The following BRWD1 variants were observed in gnomAD, a reference collection of about 807,000 sequenced individuals.
BRWD1 encodes bromodomain and WD repeat domain containing 1, also known as bromodomain and WD repeat-containing protein 1.
A neutral mutation model predicts 251.2 loss-of-function variants in BRWD1; 82 were observed. The ratio of observed to expected loss-of-function variants is 0.33; its 90% confidence interval spans 0.27 to 0.39. The LOEUF (loss-of-function observed/expected upper bound fraction) is 0.39, where lower values mean the gene tolerates loss of function less well. BRWD1 is among the 10% of genes least tolerant of loss of function. BRWD1 has a pLI of 1.00. For synonymous variants in BRWD1, 918 were observed against 902.8 expected, an observed-to-expected ratio of 1.02 and a Z score of -0.30; for missense variants, 2,233 against 2,711.6, an observed-to-expected ratio of 0.82 and a Z score of 3.92.
At chr21:39,206,375 G>T in intron 36 of BRWD1, 101 bp from the exon 37 acceptor site, 3 of 870,022 alleles carry the variant, frequency 3.4e-6, no homozygotes, top group Non-Finnish European at 5.0e-6. Flanking sequence ...TTATATCACT[G>T]CTTATAGGTA....
At chr21:39,296,448 A>C (rs2035964799) in intron 5 of BRWD1, 85 bp from the exon 6 acceptor site, 2 of 1,367,604 alleles carry the variant, frequency 1.5e-6, no homozygotes, top group Non-Finnish European at 1.9e-6. Context: ...ATATTGTAAT[A>C]AACTGTTTAT....
chr21:39,286,031 T>TTTTTTTTTAG (rs2035625448), intron 8 of BRWD1, among the ~76,000 whole-genome samples: 1 of 147,184 alleles, frequency 6.8e-6, no homozygotes, highest in Non-Finnish European at 1.5e-5. Flanking sequence ...TTTTTTTTTT[T>TTTTTTTTTAG]GAGTCAAGAG....
chr21:39,244,126 C>T (rs1044832794), intron 21 of BRWD1, among the ~76,000 whole-genome samples: 7 of 151,776 alleles, frequency 4.6e-5, no homozygotes, highest in Non-Finnish European at 7.4e-5. Context: ...TGCAGTGGCG[C>T]GATCTCGGCT....
intron 3 of BRWD1, 25 bp from the exon 4 acceptor site, chr21:39,312,925 A>T: frequency 9.1e-7 from 1 of 1,094,220 alleles, no homozygotes; most frequent in Non-Finnish European, 1.2e-6. Flanking sequence ...AACGCACACG[A>T]GTGACCACCC....
intron 29 of BRWD1, among the ~76,000 whole-genome samples, chr21:39,222,874 C>A (rs923366645): frequency 3.3e-5 from 5 of 152,122 alleles, no homozygotes; most frequent in African/African-American, 1.2e-4. Context: ...GACACATACC[C>A]CCTAAATCAA....
intron 27 of BRWD1, among the ~76,000 whole-genome samples, chr21:39,225,952 A>G (rs1020144619): frequency 1.3e-5 from 2 of 152,168 alleles, no homozygotes; most frequent in African/African-American, 4.8e-5. Context: ...TAACATAAAC[A>G]TTAATTACAA....
At chr21:39,206,475 TAAG>T (rs2032395428) in intron 36 of BRWD1, among the ~76,000 whole-genome samples, 8 of 152,212 alleles carry the variant, frequency 5.3e-5, no homozygotes, top group Admixed American at 5.2e-4. Flanking sequence ...TCTCAGATGA[TAAG>T]AAAGTAGTTT....
intron 10 of BRWD1, among the ~76,000 whole-genome samples, chr21:39,278,100 C>T (rs2035334663): frequency 6.6e-6 from 1 of 152,144 alleles, no homozygotes; most frequent in Non-Finnish European, 1.5e-5. Flanking sequence ...CCTCCCATCT[C>T]GGCCTCCCAA....
At position 39,298,647 on chromosome 21, in the gene BRWD1, G is replaced by T. The variant is rs76577873; in HGVS notation, c.199-65C>A. ...TATCAAAAACTATTAAATACTTAGG[G>T]ATAAGTCTGGCAAAATGTGAAAAAC... On this transcript the variant is annotated intron_variant, in intron 4 of 40. Transcript: ENST00000342449. The T allele has an allele frequency of 2.6e-4, 345 of 1,324,122 alleles. 1 individual carries two copies. The East Asian group carries it at 8.5e-3, about 33-fold the overall frequency. 82.0% of individuals were successfully genotyped at this position (1,324,122 alleles called of 1,614,324 possible). A position where few individuals can be genotyped will look rare whatever the true frequency, so the allele number is the denominator to read the frequency against.
intron 4 of BRWD1, among the ~76,000 whole-genome samples, chr21:39,311,985 T>C (rs1441950794): frequency 6.6e-6 from 1 of 152,218 alleles, no homozygotes; most frequent in Admixed American, 6.5e-5. Flanking sequence ...GTTTTCCTTA[T>C]ACAAGATGCT....
chr21:39,196,140 T>C lies in BRWD1; in HGVS notation c.*119A>G, dbSNP rs1031478257. 6 of 1,455,990 alleles carry C rather than the reference T, an allele frequency of 4.1e-6. No individual in the cohort carries two copies. The African/African-American group carries it at 8.7e-5, about 21-fold the overall frequency. The allele number at this position is 1,455,990 out of a possible 1,614,324, so 90.2% of individuals were successfully genotyped here. ...CATGATTTAGTCACATTCATAACTT[T>C]TCATAGAAAAATATAAATATATTCC... On this transcript the variant is annotated 3_prime_UTR_variant, in exon 41 of 41. Transcript: ENST00000342449.
intron 4 of BRWD1, among the ~76,000 whole-genome samples, chr21:39,308,617 T>G (rs1211582974): frequency 6.6e-6 from 1 of 152,130 alleles, no homozygotes; most frequent in Non-Finnish European, 1.5e-5. Context: ...TCTAAAAAGC[T>G]TTTTAAAATA....
chr21:39,252,987 G>C (rs536515137), intron 19 of BRWD1, among the ~76,000 whole-genome samples: 1 of 152,266 alleles, frequency 6.6e-6, no homozygotes, highest in South Asian at 2.1e-4. Context: ...ACTATGCGGT[G>C]ACCTTAAGAC....
Position 39,312,788 on chromosome 21 carries a change from G to T in BRWD1, c.198+53C>A, listed in dbSNP as rs1312697970. ...GGGTCCCCGCGAGGGGAAGGGGCGG[G>T]GGCGGGGGGCGGTGCACGGAAAACC... On this transcript the variant is annotated intron_variant, in intron 4 of 40. Coordinates refer to ENST00000342449, the MANE Select transcript of BRWD1 (RefSeq NM_033656.4). 3.4e-6 allele frequency: 5 copies of T among 1,468,042 alleles called. 1 individual carries two copies. In the East Asian group the frequency reaches 9.9e-5, roughly 29 times the overall value. 90.9% of individuals were successfully genotyped at this position (1,468,042 alleles called of 1,614,324 possible).
chr21:39,318,107 G>A (rs2036716234), upstream of BRWD1, among the ~76,000 whole-genome samples: 1 of 151,982 alleles, frequency 6.6e-6, no homozygotes, highest in African/African-American at 2.4e-5. Flanking sequence ...AAAATGGAAA[G>A]CTTTTTTTTT....
intron 31 of BRWD1, chr21:39,217,017 ATATATATATATATAT>A (rs2032929407): frequency 4.8e-5 from 1 of 21,010 alleles, no homozygotes; most frequent in African/African-American, 1.8e-4. Context: ...ACAAATATAT[ATATATATATATATAT>A]ATAAATATAT....
At position 39,283,511 on chromosome 21, in the gene BRWD1, A is replaced by G. The variant is rs904780883; in HGVS notation, c.832-3263T>C. Among the ~76,000 whole-genome samples, 6 of 152,126 alleles carry G rather than the reference A, an allele frequency of 3.9e-5. No individual in the cohort carries two copies. In the East Asian group the frequency reaches 1.2e-3, roughly 29 times the overall value. ...CTATTACAAATTATACTCTTCTTCC[A>G]TTGTATTTATTACTTCTTTATTGCT... is the stretch of plus-strand genomic sequence containing the variant. On this transcript the variant is annotated intron_variant, in intron 8 of 40. Transcript: ENST00000342449.
rs2034864511 is a variant in BRWD1 at position 39,264,685 on chromosome 21, T to C, written c.1660A>G (p.Ile554Val). The change falls in exon 17 of 41, where the codon ATT becomes GTT. Residue 554 changes from isoleucine to valine, a missense_variant and splice_region_variant. Around this residue, in one of 12 missense-constraint regions of BRWD1, gnomAD observed 315 missense variants for 421.8 expected, o/e 0.75. Coordinates refer to ENST00000342449, the MANE Select transcript of BRWD1 (RefSeq NM_033656.4). ...GFGCSKPYEK[I>V]PDQMFFHTDY... ...GTATGGAAGAACATCTGATCAGGAA[T>C]CTAGAAAAATGAAGTTCACAGGATG... 6.3e-7 allele frequency: 1 copy of C among 1,593,426 alleles called. No individual in the cohort carries two copies. The highest frequency in any genetic ancestry group is 8.6e-7 in the Non-Finnish European group (1 of 1,167,808).
At chr21:39,287,226 AG>A (rs2035669304) in intron 8 of BRWD1, among the ~76,000 whole-genome samples, 1 of 152,230 alleles carries the variant, frequency 6.6e-6, no homozygotes, top group Non-Finnish European at 1.5e-5. Flanking sequence ...TCCTAAATCT[AG>A]AACCCAAATC....
Sources: allele counts gnomAD v4.1 joint callset (sites outside exome capture counted in the v4.1 genomes callset), GRCh38; gene constraint gnomAD v4.1.1; regional missense constraint gnomAD v4.1.1; transcripts MANE v1.5; gene names NCBI Gene and HGNC (gene_info 2026-07-23, HGNC 2026-07-21).